Variants in NAT10 observed in about 807,000 individuals in gnomAD.
NAT10 encodes the protein N-acetyltransferase 10.
A neutral mutation model predicts 132.2 loss-of-function variants in NAT10; 109 were observed. That is an observed-to-expected ratio of 0.82 (90% CI 0.71 to 0.97). The LOEUF (loss-of-function observed/expected upper bound fraction) is 0.97, where lower values mean the gene tolerates loss of function less well. NAT10 is among the 50% of genes least tolerant of loss of function. NAT10 has a pLI of 0.00. For synonymous variants in NAT10, 479 were observed against 478.0 expected, an observed-to-expected ratio of 1.00 and a Z score of -0.03; for missense variants, 1,184 against 1,263.4, an observed-to-expected ratio of 0.94 and a Z score of 0.95.
At chr11:34,140,329 C>T (rs987140649) in intron 23 of NAT10, 71 bp from the exon 24 acceptor site, 41 of 1,456,490 alleles carry the variant, frequency 2.8e-5, no homozygotes, top group Non-Finnish European at 3.8e-5. Flanking sequence ...AGGGTGCCGC[C>T]TGGGGGCTGT....
Position 34,113,856 on chromosome 11 carries a change from A to C in NAT10, c.495+18A>C. 6.2e-7 allele frequency: 1 copy of C among 1,609,948 alleles called. No homozygotes were observed. Among genetic ancestry groups the C allele is most frequent in the Non-Finnish European group, 8.5e-7 (1 of 1,178,302 alleles). On this transcript the variant is annotated intron_variant, in intron 5 of 28. Transcript: ENST00000257829. ...TGACTATGGTAAGCATCTGTTTTTT[A>C]ACTTAATTGTGAGGGTTCAAGTAAA...
Position 34,146,140 on chromosome 11 carries a change from A to G in NAT10, c.3026A>G (p.Lys1009Arg). ...KQEPKQSKKLKNRETKNKKDM... is the reference protein window; with the variant it reads ...KQEPKQSKKLRNRETKNKKDM... ...GAACCCAAACAGAGCAAGAAGTTGAAGAACAGAGAGACAAAGAACAAAAAA... is the reference window on the plus strand; with the variant it reads ...GAACCCAAACAGAGCAAGAAGTTGAGGAACAGAGAGACAAAGAACAAAAAA... Residue 1009 changes from lysine to arginine, a missense_variant, in exon 29 of 29, where the codon AAG (lysine) becomes AGG (arginine). Lys to Arg is a conservative substitution (Grantham distance 26). Coordinates refer to ENST00000257829, the MANE Select transcript of NAT10 (RefSeq NM_024662.3). 3 of 1,610,960 alleles carry G rather than the reference A, an allele frequency of 1.9e-6. No individual in the cohort carries two copies. Among genetic ancestry groups the G allele is most frequent in the Non-Finnish European group, 2.5e-6 (3 of 1,179,012 alleles).
chr11:34,139,626 C>T, intron 23 of NAT10, 131 bp downstream of exon 23: 1 of 749,088 alleles, frequency 1.3e-6, no homozygotes, highest in South Asian at 1.6e-5. Flanking sequence ...TCGCTGGTCA[C>T]CACCCGCTTG....
At chr11:34,117,476 A>T (rs1314251075) in intron 6 of NAT10, among the ~76,000 whole-genome samples, 1 of 152,182 alleles carries the variant, frequency 6.6e-6, no homozygotes, top group African/African-American at 2.4e-5. Context: ...CTGGTCCAAA[A>T]TGTCAGTAGT....
At position 34,142,354 on chromosome 11, in the gene NAT10, G is replaced by T; in HGVS notation, c.2885+6G>T. ...AAGAGCATGGACCTCTCTGAGTAAG[G>T]CTTGTGGGAAGCAGAGGGTTTGCCT... On this transcript the variant is annotated splice_donor_region_variant and intron_variant, in intron 27 of 28. Transcript: ENST00000257829. The T allele has an allele frequency of 2.5e-6, 4 of 1,613,782 alleles. No homozygotes were observed. Among genetic ancestry groups the T allele is most frequent in the South Asian group, 2.2e-5 (2 of 91,062 alleles).
chr11:34,109,114 GTC>G (rs1851648832), intron 3 of NAT10, among the ~76,000 whole-genome samples: 1 of 152,070 alleles, frequency 6.6e-6, no homozygotes, highest in South Asian at 2.1e-4. Flanking sequence ...CCTTCAAACT[GTC>G]TTTCCTACCT....
rs867584619 is a variant in NAT10 at position 34,141,422 on chromosome 11, A to T, written c.2712+214A>T. ...CTCATCACACATCACACACACACAC[A>T]CACACACACACACACACACACACAC... On this transcript the variant is annotated intron_variant, in intron 25 of 28. Transcript: ENST00000257829. 7.9e-3 allele frequency among the ~76,000 whole-genome samples: 1,189 copies of T among 150,706 alleles called. 22 individuals carry two copies. Among genetic ancestry groups the T allele is most frequent in the African/African-American group, 0.027 (1,100 of 40,762 alleles).
At chr11:34,120,083 G>C (rs993436484) in intron 8 of NAT10, among the ~76,000 whole-genome samples, 12 of 149,182 alleles carry the variant, frequency 8.0e-5, no homozygotes, top group African/African-American at 3.0e-4. Context: ...AGAGAGGAGG[G>C]TACCTTCTTC....
At chr11:34,130,652 T>C (rs1852087720) in intron 12 of NAT10, among the ~76,000 whole-genome samples, 161 bp from the exon 13 acceptor site, 1 of 152,218 alleles carries the variant, frequency 6.6e-6, no homozygotes, top group Non-Finnish European at 1.5e-5. Context: ...CTGCCTCCTT[T>C]GGACAGGTGC....
At chr11:34,130,633 C>T (rs553968724) in intron 12 of NAT10, among the ~76,000 whole-genome samples, 180 bp from the exon 13 acceptor site, 3 of 152,334 alleles carry the variant, frequency 2.0e-5, no homozygotes, top group Non-Finnish European at 4.4e-5. Context: ...GCTCAGCCAC[C>T]GTGCCACCCT....
Position 34,130,893 on chromosome 11 carries a change from C to A in NAT10, c.1325C>A (p.Thr442Asn), listed in dbSNP as rs1852091753. The A allele has an allele frequency of 6.2e-7, 1 of 1,614,056 alleles. No homozygotes were observed. Residue 442 changes from threonine to asparagine, a missense_variant, in exon 13 of 29, where the codon ACC becomes AAC. Thr to Asn is a moderately conservative substitution (Grantham distance 65). Transcript: ENST00000257829. ...RQQSAQSQVS[T>N]TAENKTTTTA... ...CAGAGCGCCCAGAGCCAGGTCAGCACCACTGCTGAGAATAAGACCACGACG... is the reference window on the plus strand; with the variant it reads ...CAGAGCGCCCAGAGCCAGGTCAGCAACACTGCTGAGAATAAGACCACGACG...
chr11:34,118,004 G>A (rs1204835150), intron 6 of NAT10, among the ~76,000 whole-genome samples, 176 bp from the exon 7 acceptor site: 3 of 152,166 alleles, frequency 2.0e-5, no homozygotes, highest in African/African-American at 4.8e-5. Context: ...AGTATGTTCA[G>A]GTGCCTTGTG....
At chr11:34,144,327 T>G (rs188150613) in intron 28 of NAT10, among the ~76,000 whole-genome samples, 2 of 152,282 alleles carry the variant, frequency 1.3e-5, no homozygotes, top group Admixed American at 1.3e-4. Flanking sequence ...AAAAATTCAT[T>G]TGTTCACAGT....
intron 6 of NAT10, among the ~76,000 whole-genome samples, chr11:34,117,520 C>G (rs1369328368): frequency 6.6e-6 from 1 of 152,106 alleles, no homozygotes; most frequent in Non-Finnish European, 1.5e-5. Flanking sequence ...TTGATGAACC[C>G]TGGGGGCCTT....
At chr11:34,129,590 CTT>C (rs1290592697) in intron 12 of NAT10, among the ~76,000 whole-genome samples, 2 of 119,440 alleles carry the variant, frequency 1.7e-5, no homozygotes, top group Non-Finnish European at 3.5e-5. Context: ...TCACTTTCTT[CTT>C]CTTCTTCTTT....
chr11:34,117,526 G>C (rs1167189920), intron 6 of NAT10, among the ~76,000 whole-genome samples: 1 of 152,126 alleles, frequency 6.6e-6, no homozygotes, highest in Non-Finnish European at 1.5e-5. Flanking sequence ...AACCCTGGGG[G>C]CCTTTCTCAT....
chr11:34,131,089 C>T (rs753395867), intron 13 of NAT10, 152 bp downstream of exon 13: 99 of 1,244,554 alleles, frequency 8.0e-5, no homozygotes, highest in Non-Finnish European at 9.3e-5. Context: ...TAGCTTTTTT[C>T]GGAGGAACAG....
intron 18 of NAT10, 58 bp from the exon 19 acceptor site, chr11:34,135,117 G>T: frequency 1.4e-6 from 2 of 1,397,082 alleles, no homozygotes; most frequent in South Asian, 2.3e-5. Flanking sequence ...AGTCACTGTG[G>T]CTTAGACTGA....
chr11:34,108,129 C>T, intron 1 of NAT10, 82 bp from the exon 2 acceptor site: 1 of 881,348 alleles, frequency 1.1e-6, no homozygotes, highest in Non-Finnish European at 1.9e-6. Context: ...CTAGCACAGT[C>T]CCAGGCCCCA....
Sources: allele counts gnomAD v4.1 joint callset (sites outside exome capture counted in the v4.1 genomes callset), GRCh38; gene constraint gnomAD v4.1.1; transcripts MANE v1.5; gene names NCBI Gene and HGNC (gene_info 2026-07-23, HGNC 2026-07-21).